The following SPRED1 variants were observed in gnomAD, a reference collection of about 807,000 sequenced individuals.
The protein encoded by SPRED1 is sprouty-related, EVH1 domain-containing protein 1.
Under a neutral mutation model 52.3 loss-of-function variants are expected in SPRED1, and 18 were observed. The ratio of observed to expected loss-of-function variants is 0.34; its 90% CI spans 0.24 to 0.51. The LOEUF is 0.51. Among genes scored for constraint, SPRED1 ranks in the 20% least tolerant of loss-of-function variants. The pLI is 0.97. For missense variants in SPRED1, 485 were observed against 551.0 expected (o/e 0.88, Z 1.20); for synonymous variants, 155 against 179.7 (o/e 0.86, Z 1.10).
chr15:38,285,607 T>C (rs1894789773), intron 1 of SPRED1, among the ~76,000 whole-genome samples: 1 of 152,158 alleles, frequency 6.6e-6, no homozygotes, highest in African/African-American at 2.4e-5. Flanking sequence ...GGAGAATGGC[T>C]GGAGATGAAG....
At chr15:38,290,726 T>A (rs1217287122) in intron 1 of SPRED1, among the ~76,000 whole-genome samples, 2 of 151,960 alleles carry the variant, frequency 1.3e-5, no homozygotes, top group African/African-American at 4.8e-5. Context: ...ACCCATCAGA[T>A]CTCCTGAGAC....
intron 1 of SPRED1, chr15:38,268,045 A>G (rs1316276004): frequency 6.6e-6 from 1 of 152,226 alleles, no homozygotes. Flanking sequence ...GAGTTAGTTT[A>G]CTGGATTTAC....
intron 5 of SPRED1, among the ~76,000 whole-genome samples, chr15:38,346,753 G>A (rs1485706870): frequency 6.6e-6 from 1 of 152,158 alleles, no homozygotes; most frequent in Admixed American, 6.5e-5. Flanking sequence ...GAGTTTCTTT[G>A]GAGTGTTCAG....
intron 2 of SPRED1, among the ~76,000 whole-genome samples, chr15:38,305,465 C>T (rs1367296995): frequency 2.0e-5 from 3 of 146,864 alleles, no homozygotes; most frequent in Non-Finnish European, 3.0e-5. Flanking sequence ...TGTAAGTGAA[C>T]AAAAATAGAA....
chr15:38,302,290 A>G (rs1895162206), intron 2 of SPRED1, among the ~76,000 whole-genome samples: 1 of 152,370 alleles, frequency 6.6e-6, no homozygotes, highest in Non-Finnish European at 1.5e-5. Flanking sequence ...CCACTTTCAC[A>G]GAAGACTTTT....
intron 1 of SPRED1, among the ~76,000 whole-genome samples, chr15:38,256,742 T>G (rs747886804): frequency 5.3e-5 from 8 of 152,118 alleles, no homozygotes; most frequent in Non-Finnish European, 1.0e-4. Context: ...TACCCAGTGG[T>G]GAGTTATTTT....
At chr15:38,338,774 AT>A (rs766031051) in intron 4 of SPRED1, among the ~76,000 whole-genome samples, 1 of 151,112 alleles carries the variant, frequency 6.6e-6, no homozygotes, top group Admixed American at 6.6e-5. Context: ...AGACAAGGCT[AT>A]TTTTTTTTCT....
At chr15:38,321,279 T>G (rs1895596848) in intron 2 of SPRED1, among the ~76,000 whole-genome samples, 1 of 152,196 alleles carries the variant, frequency 6.6e-6, no homozygotes, top group Non-Finnish European at 1.5e-5. Flanking sequence ...TCTGTGTTAT[T>G]CTTGTTACTT....
chr15:38,325,470 G>A (rs1473187116), intron 4 of SPRED1, among the ~76,000 whole-genome samples: 1 of 151,288 alleles, frequency 6.6e-6, no homozygotes, highest in Non-Finnish European at 1.5e-5. Flanking sequence ...TCTTTTTTAA[G>A]GAAGTGGTTC....
intron 1 of SPRED1, among the ~76,000 whole-genome samples, chr15:38,278,232 A>T (rs1894602118): frequency 6.6e-6 from 1 of 152,194 alleles, no homozygotes; most frequent in Admixed American, 6.5e-5. Flanking sequence ...CTGTAATCCC[A>T]GCACTTTGGG....
chr15:38,318,405 T>A (rs1017863814), intron 2 of SPRED1, among the ~76,000 whole-genome samples: 10 of 152,132 alleles, frequency 6.6e-5, no homozygotes, highest in African/African-American at 2.4e-4. Flanking sequence ...ATTGGCCTCT[T>A]CATTTCCTCA....
intron 1 of SPRED1, among the ~76,000 whole-genome samples, chr15:38,292,891 G>A (rs16966661): frequency 0.041 from 6,304 of 152,116 alleles, 448 homozygotes; most frequent in African/African-American, 0.14. Flanking sequence ...TTGATAATGC[G>A]GTTGTAGTAA....
intron 1 of SPRED1, among the ~76,000 whole-genome samples, chr15:38,296,285 G>A (rs1406250686): frequency 6.6e-6 from 1 of 152,084 alleles, no homozygotes; most frequent in Middle Eastern, 3.2e-3. Context: ...GTTTCAGACA[G>A]TTAAAACTAC....
chr15:38,276,286 T>A (rs190872167), intron 1 of SPRED1, among the ~76,000 whole-genome samples: 59 of 151,622 alleles, frequency 3.9e-4, no homozygotes, highest in Middle Eastern at 3.4e-3. Context: ...TGTATAACAA[T>A]TGTAAATTAT....
chr15:38,350,342 T>G (rs760601794), intron 6 of SPRED1, among the ~76,000 whole-genome samples: 5 of 152,146 alleles, frequency 3.3e-5, no homozygotes, highest in Non-Finnish European at 5.9e-5. Flanking sequence ...TGTCCAAATT[T>G]CCTCATAAAG....
At chr15:38,344,325 A>T (rs1305304829) in intron 5 of SPRED1, among the ~76,000 whole-genome samples, 1 of 152,166 alleles carries the variant, frequency 6.6e-6, no homozygotes, top group Non-Finnish European at 1.5e-5. Flanking sequence ...AGTATTCCTC[A>T]TCGCAGGCCC....
chr15:38,257,840 C>G (rs1284570726), intron 1 of SPRED1, among the ~76,000 whole-genome samples: 1 of 152,160 alleles, frequency 6.6e-6, no homozygotes, highest in Admixed American at 6.5e-5. Flanking sequence ...CAGCAGATTC[C>G]GTGATTTTAT....
intron 5 of SPRED1, among the ~76,000 whole-genome samples, chr15:38,346,427 C>T (rs955707221): frequency 3.9e-5 from 6 of 152,230 alleles, no homozygotes; most frequent in African/African-American, 1.4e-4. Flanking sequence ...GTTCATTTCC[C>T]TGTAGACAAA....
intron 1 of SPRED1, among the ~76,000 whole-genome samples, chr15:38,269,551 C>T (rs928059761): frequency 6.6e-6 from 1 of 151,970 alleles, no homozygotes; most frequent in African/African-American, 2.4e-5. Flanking sequence ...CTGGCCCTTA[C>T]TACTAGCATT....
Sources: gnomAD v4.1 joint callset for allele counts (sites outside exome capture counted in the v4.1 genomes callset) on GRCh38, gnomAD v4.1.1 for gene constraint, MANE v1.5 for transcripts, NCBI Gene and HGNC (gene_info 2026-07-23, HGNC 2026-07-21) for gene names.